Variants in PCDH19 observed in about 807,000 individuals in gnomAD.
The protein encoded by PCDH19 is protocadherin 19, also known as protocadherin-19.
Under a neutral mutation model 46.2 loss-of-function variants are expected in PCDH19, and 6 were observed. The ratio of observed to expected loss-of-function variants is 0.13; its 90% confidence interval spans 0.07 to 0.26. The LOEUF is 0.26. Among genes scored for constraint, PCDH19 ranks in the 10% least tolerant of loss-of-function variants. The pLI is 1.00. For missense variants in PCDH19, 740 were observed against 972.3 expected (o/e 0.76, Z 3.18); for synonymous variants, 481 against 415.7 (o/e 1.16, Z -1.91).
At chrX:100,394,883 ATTTT>A (rs139332001) in intron 3 of PCDH19, among the ~76,000 whole-genome samples, 1 of 71,580 alleles carries the variant, frequency 1.4e-5, no homozygotes. Context: ...GAGGAATCTA[ATTTT>A]TTTTTTTTTT....
intron 5 of PCDH19, among the ~76,000 whole-genome samples, chrX:100,302,196 A>G (rs1924802465): frequency 8.9e-6 from 1 of 112,012 alleles, no homozygotes; most frequent in Admixed American, 9.5e-5. Context: ...CTGTAGAGCT[A>G]CCCTCACCAA....
At chrX:100,395,178 C>T (rs1003377645) in intron 3 of PCDH19, among the ~76,000 whole-genome samples, 1 of 112,226 alleles carries the variant, frequency 8.9e-6, no homozygotes, top group African/African-American at 3.2e-5. Context: ...TGAGCCACCG[C>T]GCCCGGCCTG....
At chrX:100,405,564 C>T (rs1478885134) in intron 1 of PCDH19, among the ~76,000 whole-genome samples, 1 of 92,865 alleles carries the variant, frequency 1.1e-5, no homozygotes, top group Non-Finnish European at 2.1e-5. Context: ...TCTCTCCCTC[C>T]CCCCCCCATA....
At chrX:100,348,775 T>G (rs1926486368) in intron 4 of PCDH19, among the ~76,000 whole-genome samples, 1 of 111,536 alleles carries the variant, frequency 9.0e-6, no homozygotes, top group African/African-American at 3.3e-5. Context: ...CAAAGATAAA[T>G]GTTCAAACAT....
At chrX:100,401,778 G>A (rs753660231) in intron 3 of PCDH19, among the ~76,000 whole-genome samples, 35 of 109,413 alleles carry the variant, frequency 3.2e-4, no homozygotes, top group African/African-American at 1.1e-3. Context: ...TGTTAGAGAC[G>A]AAGTCTCACT....
At chrX:100,347,552 G>T (rs932492477) in intron 4 of PCDH19, among the ~76,000 whole-genome samples, 3 of 111,671 alleles carry the variant, frequency 2.7e-5, no homozygotes, top group Non-Finnish European at 5.6e-5. Flanking sequence ...ACTATTTCAT[G>T]TAGGAACCCT....
At chrX:100,403,429 T>C in intron 2 of PCDH19, 95 bp downstream of exon 2, 1 of 848,257 alleles carries the variant, frequency 1.2e-6, no homozygotes, top group Non-Finnish European at 1.7e-6. Flanking sequence ...CTCCCTGCCC[T>C]AGCCCGGTTC....
At position 100,337,050 on chromosome X, in the gene PCDH19, A is replaced by G. The variant is rs370483723; in HGVS notation, c.2848+4853T>C. ...CCGGATAGGAAGAAATTCAAGCCCC[A>G]TGATACCCCTAATCACGCAACAAAC... On this transcript the variant is annotated intron_variant, in intron 5 of 5. Transcript: ENST00000373034. 4.1e-4 allele frequency among the ~76,000 whole-genome samples: 46 copies of G among 111,576 alleles called. No homozygotes were observed. The East Asian group carries it at 6.0e-3, about 14-fold the overall frequency.
chrX:100,365,451 AT>A (rs971913629), intron 3 of PCDH19, among the ~76,000 whole-genome samples: 3 of 111,596 alleles, frequency 2.7e-5, no homozygotes, highest in Non-Finnish European at 5.6e-5. Context: ...AAAAATATAT[AT>A]TTTTATGCAA....
chrX:100,367,759 A>AC (rs1445962186), intron 3 of PCDH19, among the ~76,000 whole-genome samples: 1 of 111,482 alleles, frequency 9.0e-6, no homozygotes, highest in Non-Finnish European at 1.9e-5. Flanking sequence ...TGTGGGGAAC[A>AC]CCAACATTTA....
intron 3 of PCDH19, among the ~76,000 whole-genome samples, chrX:100,378,616 G>A (rs1007476622): frequency 3.6e-5 from 4 of 112,176 alleles, no homozygotes; most frequent in South Asian, 3.7e-4. Context: ...TTGTATTAAC[G>A]TGCTAGCCAG....
In PCDH19 at chrX:100,406,863, G is replaced by A; in HGVS notation, c.1735C>T (p.Arg579Cys). Reference protein sequence around the residue: ...INGTAEVYIPRNSGIGYLVTV... With the variant: ...INGTAEVYIPCNSGIGYLVTV... ...ACCAGGTAGCCTATGCCAGAGTTGC[G>A]GGGTATGTAGACCTCGGCAGTGCCG... The change falls in exon 1 of 6, where the codon CGC becomes TGC. Residue 579 changes from arginine (R) to cysteine (C), a missense_variant. Physicochemically the swap from Arg to Cys is radical, Grantham distance 180. Around this residue, in one of 5 missense-constraint regions of PCDH19, gnomAD observed 416 missense variants for 476.8 expected, o/e 0.87. Coordinates refer to ENST00000373034, the MANE Select transcript of PCDH19 (RefSeq NM_001184880.2). The A allele has an allele frequency of 8.3e-7, 1 of 1,211,892 alleles. No homozygotes were observed. The highest frequency in any genetic ancestry group is 1.1e-6 in the Non-Finnish European group (1 of 895,536).
intron 3 of PCDH19, among the ~76,000 whole-genome samples, chrX:100,374,349 G>A (rs573174648): frequency 2.0e-4 from 22 of 111,917 alleles, no homozygotes; most frequent in East Asian, 1.4e-3. Flanking sequence ...GCCAAAGGTC[G>A]CACTAAACAA....
At chrX:100,399,329 A>G (rs1211907530) in intron 3 of PCDH19, among the ~76,000 whole-genome samples, 1 of 111,980 alleles carries the variant, frequency 8.9e-6, no homozygotes, top group East Asian at 2.8e-4. Flanking sequence ...TCAAAATGTT[A>G]TTATCCTAGC....
At chrX:100,404,793 C>A (rs1358162779) in intron 1 of PCDH19, among the ~76,000 whole-genome samples, 1 of 111,329 alleles carries the variant, frequency 9.0e-6, no homozygotes, top group Non-Finnish European at 1.9e-5. Flanking sequence ...TTACTTTATG[C>A]TGAGAAGATG....
At chrX:100,336,237 T>C (rs1926083624) in intron 5 of PCDH19, among the ~76,000 whole-genome samples, 1 of 112,120 alleles carries the variant, frequency 8.9e-6, no homozygotes, top group Admixed American at 9.4e-5. Flanking sequence ...AGAGACTAAT[T>C]GAAATGAGTG....
intron 3 of PCDH19, among the ~76,000 whole-genome samples, chrX:100,362,961 T>C (rs759045306): frequency 1.3e-4 from 14 of 111,442 alleles, no homozygotes; most frequent in Non-Finnish European, 2.4e-4. Flanking sequence ...CTGTGTGCCC[T>C]TGCAGACATC....
At chrX:100,363,685 A>ATATTTTATATATAATATATT (rs58690091) in intron 3 of PCDH19, among the ~76,000 whole-genome samples, 2 of 96,790 alleles carry the variant, frequency 2.1e-5, no homozygotes, top group African/African-American at 3.8e-5. Flanking sequence ...TATATAAAAC[A>ATATTTTATATATAATATATT]TATTTTATAT....
At chrX:100,401,567 G>A (rs1475036987) in intron 3 of PCDH19, among the ~76,000 whole-genome samples, 1 of 109,946 alleles carries the variant, frequency 9.1e-6, no homozygotes, top group Non-Finnish European at 1.9e-5. Flanking sequence ...CAGGAGAATT[G>A]CTTGAAGCCG....
Sources: gnomAD v4.1 joint callset for allele counts (sites outside exome capture counted in the v4.1 genomes callset) on GRCh38, gnomAD v4.1.1 for gene constraint, gnomAD v4.1.1 regional missense constraint, MANE v1.5 for transcripts, NCBI Gene and HGNC (gene_info 2026-07-23, HGNC 2026-07-21) for gene names.